ICAM3: variants seen among roughly 807,000 people sequenced by gnomAD.
ICAM3 encodes intercellular adhesion molecule 3.
In ICAM3, 54 loss-of-function variants were observed where a neutral mutation model predicts 43.6. The ratio of observed to expected loss-of-function variants is 1.24; its 90% CI spans 0.99 to 1.55. The LOEUF (loss-of-function observed/expected upper bound fraction) is 1.55. ICAM3 is among the 40% of genes most tolerant of loss of function. ICAM3 has a pLI of 0.00. For missense variants in ICAM3, 715 were observed against 717.9 expected (o/e 1.00, Z 0.05); for synonymous variants, 306 against 312.6 (o/e 0.98, Z 0.22).
At position 10,338,928 on chromosome 19, in the gene ICAM3, G is replaced by C; in HGVS notation, c.97C>G (p.Leu33Val). The change falls in exon 2 of 7, where the codon CTT becomes GTT. Residue 33 changes from leucine (L) to valine (V), a missense_variant. Physicochemically the swap from Leu to Val is conservative, Grantham distance 32 (BLOSUM62 1). Transcript: ENST00000160262. ...LTPGVQGQEF[L>V]LRVEPQNPVL... ...GGGTTCTGGGGCTCCACCCGCAAAA[G>C]GAACTCCTGCCCCTGGACACCTTCA... 1.2e-6 allele frequency: 2 copies of C among 1,613,986 alleles called. No homozygotes were observed. The highest frequency in any genetic ancestry group is 1.7e-6 in the Non-Finnish European group (2 of 1,180,010).
chr19:10,339,247 T>C, intron 1 of ICAM3: 1 of 580,792 alleles, frequency 1.7e-6, no homozygotes, highest in South Asian at 2.1e-5. Context: ...CAGGTGATCC[T>C]GGCAGAGGGA....
chr19:10,339,121 G>T, intron 1 of ICAM3, 173 bp from the exon 2 acceptor site: 1 of 678,440 alleles, frequency 1.5e-6, no homozygotes, highest in Non-Finnish European at 2.4e-6. Flanking sequence ...TCAGAAGGAG[G>T]CCAGAAGAGG....
rs933964699 is a variant in ICAM3, at chr19:10,335,421, C to A, written c.650-68G>T. ...CTTCCCCAGGACACCCTCATCCCCC[C>A]CAGTCAGGATATCTTGCTGACTGGG... On this transcript the variant is annotated intron_variant, in intron 3 of 6. Transcript: ENST00000160262. 220 of 1,407,276 alleles carry A rather than the reference C, an allele frequency of 1.6e-4. 2 individuals carry two copies. Among genetic ancestry groups the A allele is most frequent in the South Asian group, 5.8e-4 (43 of 74,672 alleles). The allele number at this position is 1,407,276 out of a possible 1,614,324, so 87.2% of individuals were successfully genotyped here. A position where few individuals can be genotyped will look rare whatever the true frequency, so the allele number is the denominator to read the frequency against.
At position 10,335,292 on chromosome 19, in the gene ICAM3, C is replaced by T. The variant is rs777985727; in HGVS notation, c.711G>A (p.Trp237Ter). 1.2e-6 allele frequency: 2 copies of T among 1,612,934 alleles called. No homozygotes were observed. The highest frequency in any genetic ancestry group is 2.2e-5 in the East Asian group (1 of 44,876). ...GCCCGTCTAGGGTGCAGTCCACCGG[C>T]CACGACGTTTCCACCTCCAAGAACC... ...APRFLEVETS[W>*]PVDCTLDGLF... Residue 237 changes from tryptophan (W) to a stop codon, truncating the protein, a stop_gained, in exon 4 of 7, where the codon TGG (tryptophan) becomes TGA (stop). Transcript: ENST00000160262. LOFTEE classifies it high-confidence loss of function.
rs753849752 is a variant in ICAM3, at chr19:10,334,407, A to C, written c.1194T>G (p.Tyr398Ter). ...ATGTGGCTCGGTCAATTTTGGGACC[A>C]TCTGTGGAACCACCATGTGTGATCA... ...RNSSVQLRVL[Y>*]GPKIDRATCP... Residue 398 changes from tyrosine to a stop codon, truncating the protein, a stop_gained and splice_region_variant, in exon 6 of 7, where the codon TAT becomes TAG. Transcript: ENST00000160262. LOFTEE classifies it high-confidence loss of function. The surrounding 1 kb of genome is among the most constrained non-coding windows in gnomAD (Gnocchi z 5.5). 1.2e-6 allele frequency: 2 copies of C among 1,614,062 alleles called. No individual in the cohort carries two copies. Among genetic ancestry groups the C allele is most frequent in the Admixed American group, 3.3e-5 (2 of 59,994 alleles).
Position 10,334,531 on chromosome 19 carries a change from G to A in ICAM3, c.1189C>T (p.Leu397=), listed in dbSNP as rs2040563208. 1.2e-6 allele frequency: 2 copies of A among 1,607,508 alleles called. No homozygotes were observed. Among genetic ancestry groups the A allele is most frequent in the African/African-American group, 1.3e-5 (1 of 74,966 alleles). The change falls in exon 5 of 7, where the codon CTG becomes TTG. Residue 397 remains leucine (L), a synonymous_variant. Transcript: ENST00000160262. This position sits in a 1 kb window ranked among gnomAD's most constrained non-coding sequence, Gnocchi z 5.5. The part of the protein sequence containing the change: ...HRNSSVQLRV[L]YGPKIDRATC... Reference sequence around the variant, plus strand: ...AAGGTCAGGGTGACCGACTCACACAGGACTCGCAGCTGGACGCTACTGTTC... The same window carrying A: ...AAGGTCAGGGTGACCGACTCACACAAGACTCGCAGCTGGACGCTACTGTTC...
At chr19:10,337,143 A>C (rs10403396) in intron 2 of ICAM3, among the ~76,000 whole-genome samples, 30,428 of 150,972 alleles carry the variant, frequency 0.2, 3,185 homozygotes, top group South Asian at 0.25. Flanking sequence ...TAGGCCAGGC[A>C]TGGTGGCTCA....
rs776728487 is a variant in ICAM3 at position 10,335,137 on chromosome 19, G to A, written c.866C>T (p.Ala289Val). Reference sequence around the variant, plus strand: ...GGTCACGTTGCAGACGATCTCCCGGGCACCCTCCTGATCCGCGCGCGCCGT... The same window carrying A: ...GGTCACGTTGCAGACGATCTCCCGGACACCCTCCTGATCCGCGCGCGCCGT... Reference protein sequence around the residue: ...TATARADQEGAREIVCNVTLG... With the variant: ...TATARADQEGVREIVCNVTLG... The change falls in exon 4 of 7, where the codon GCC becomes GTC. Residue 289 changes from alanine to valine, a missense_variant. Transcript: ENST00000160262. 1.2e-5 allele frequency: 19 copies of A among 1,613,648 alleles called. No homozygotes were observed. Among genetic ancestry groups the A allele is most frequent in the Non-Finnish European group, 1.4e-5 (17 of 1,179,992 alleles).
At position 10,335,344 on chromosome 19, in the gene ICAM3, A is replaced by G; in HGVS notation, c.659T>C (p.Val220Ala). Residue 220 changes from valine (V) to alanine (A), a missense_variant, in exon 4 of 7, where the codon GTG becomes GCG. By Grantham distance (64) the Val-to-Ala change is moderately conservative. Transcript: ENST00000160262. ...GGGGGCCACGAGGCGCGGGGGGGTC[A>G]CGGGCAGGACTGGGGAGAAAGGTGG... is the stretch of plus-strand genomic sequence containing the variant. ...PRQLRTFVLP[V>A]TPPRLVAPRF... 6.2e-7 allele frequency: 1 copy of G among 1,605,728 alleles called. No individual in the cohort carries two copies. Among genetic ancestry groups the G allele is most frequent in the Non-Finnish European group, 8.5e-7 (1 of 1,178,266 alleles).
chr19:10,339,003 A>G (rs759102700), intron 1 of ICAM3, 55 bp from the exon 2 acceptor site: 2 of 1,584,820 alleles, frequency 1.3e-6, no homozygotes, highest in Non-Finnish European at 1.7e-6. Context: ...CAACCCACGC[A>G]TCAACAGGCC....
At chr19:10,336,683 G>A (rs2040601066) in intron 2 of ICAM3, among the ~76,000 whole-genome samples, 1 of 151,890 alleles carries the variant, frequency 6.6e-6, no homozygotes, top group Non-Finnish European at 1.5e-5. Context: ...GCACGTGCCT[G>A]TAATCCCAGC....
Position 10,335,983 on chromosome 19 carries a change from G to A in ICAM3, c.344-7C>T, listed in dbSNP as rs1166302524. The A allele has an allele frequency of 1.3e-6, 2 of 1,538,598 alleles. No individual in the cohort carries two copies. The highest frequency in any genetic ancestry group is 1.7e-6 in the Non-Finnish European group (2 of 1,146,200). ...TCCACACGCTCCGGGAGCCCTGAGA[G>A]AGGAGGGGAGGATGGCACTTAGCGG... On this transcript the variant is annotated splice_region_variant and splice_polypyrimidine_tract_variant and intron_variant, in intron 2 of 6. Coordinates refer to ENST00000160262, the MANE Select transcript of ICAM3 (RefSeq NM_002162.5).
chr19:10,337,547 A>G (rs1289989626), intron 2 of ICAM3, among the ~76,000 whole-genome samples: 3 of 151,916 alleles, frequency 2.0e-5, no homozygotes, highest in Admixed American at 2.0e-4. Context: ...ACATAGGGAG[A>G]TCCTGTCTCT....
At chr19:10,335,552 G>A in intron 3 of ICAM3, 119 bp downstream of exon 3, 1 of 1,217,278 alleles carries the variant, frequency 8.2e-7, no homozygotes. Context: ...AGTGGCCGGG[G>A]GCTTTCCTTC....
At position 10,335,582 on chromosome 19, in the gene ICAM3, G is replaced by A. The variant is rs76109397; in HGVS notation, c.649+89C>T. On this transcript the variant is annotated intron_variant, in intron 3 of 6. Coordinates refer to ENST00000160262, the MANE Select transcript of ICAM3 (RefSeq NM_002162.5). ...TCCTTCCCAGAAGCCTGTGAGGTCC[G>A]GGGTACCCCACTCTCAGGAACCCCA... 4.2e-3 allele frequency: 5,646 copies of A among 1,342,152 alleles called. 108 individuals carry two copies. The East Asian group carries it at 0.057, about 14-fold the overall frequency. 83.1% of individuals were successfully genotyped at this position (1,342,152 alleles called of 1,614,324 possible).
intron 3 of ICAM3, 126 bp downstream of exon 3, chr19:10,335,545 G>A: frequency 8.4e-7 from 1 of 1,192,230 alleles, no homozygotes. Context: ...CTTGCCCAGT[G>A]GCCGGGGGCT....
At chr19:10,338,143 C>T (rs1385182251) in intron 2 of ICAM3, among the ~76,000 whole-genome samples, 3 of 151,254 alleles carry the variant, frequency 2.0e-5, no homozygotes, top group African/African-American at 7.3e-5. Context: ...GTGGCCCATG[C>T]CTGTAATCCC....
In ICAM3 at chr19:10,334,721, G is replaced by A. The variant is rs766453233; in HGVS notation, c.999C>T (p.Thr333=). ...CTCGAGCCCCAGCCATGCAACTCAC[G>A]GTCACTGTGGACCCCTCATGGGCGG... ...EPTAHEGSTV[T]VSCMAGARVQ... The change falls in exon 5 of 7, where the codon ACC becomes ACT. Residue 333 remains threonine, a synonymous_variant. Coordinates refer to ENST00000160262, the MANE Select transcript of ICAM3 (RefSeq NM_002162.5). The surrounding 1 kb of genome is among the most constrained non-coding windows in gnomAD (Gnocchi z 5.5). The A allele has an allele frequency of 6.2e-7, 1 of 1,613,172 alleles. No individual in the cohort carries two copies. Among genetic ancestry groups the A allele is most frequent in the Non-Finnish European group, 8.5e-7 (1 of 1,179,918 alleles).
Position 10,334,521 on chromosome 19 carries a change from G to A in ICAM3, c.1192+7C>T, listed in dbSNP as rs1335976461. ...GGAGGGATTAAAGGTCAGGGTGACC[G>A]ACTCACACAGGACTCGCAGCTGGAC... On this transcript the variant is annotated splice_region_variant and intron_variant, in intron 5 of 6. Coordinates refer to ENST00000160262, the MANE Select transcript of ICAM3 (RefSeq NM_002162.5). This position sits in a 1 kb window ranked among gnomAD's most constrained non-coding sequence, Gnocchi z 5.5. 1.2e-6 allele frequency: 2 copies of A among 1,604,424 alleles called. No homozygotes were observed. Among genetic ancestry groups the A allele is most frequent in the African/African-American group, 1.3e-5 (1 of 74,934 alleles).
Sources: gnomAD v4.1 joint callset for allele counts (sites outside exome capture counted in the v4.1 genomes callset) on GRCh38, gnomAD v4.1.1 for gene constraint, Gnocchi (gnomAD v3.1) non-coding constraint, MANE v1.5 for transcripts, NCBI Gene and HGNC (gene_info 2026-07-23, HGNC 2026-07-21) for gene names.